ENTPD1: variants seen among roughly 807,000 people sequenced by gnomAD.
The protein encoded by ENTPD1 is ATP diphosphohydrolase.
A neutral mutation model predicts 57.0 loss-of-function variants in ENTPD1; 33 were observed. That is an observed-to-expected ratio of 0.58 (90% confidence interval 0.44 to 0.77). ENTPD1 has a LOEUF of 0.77. ENTPD1 is among the 30% of genes least tolerant of loss of function. The pLI, the probability that ENTPD1 is intolerant of heterozygous loss-of-function variation, is 0.00. For synonymous variants in ENTPD1, 202 were observed against 218.8 expected, an observed-to-expected ratio of 0.92 and a Z score of 0.68; for missense variants, 501 against 603.4, an observed-to-expected ratio of 0.83 and a Z score of 1.78.
At position 95,787,940 on chromosome 10, in the gene ENTPD1, T is replaced by C. The variant is rs1037646587; in HGVS notation, c.16+31685T>C. ...CCCACCCCCAAATTCCTTTCAGTTA[T>C]GAAAATTCTGAAACACTGTAACTTT... is the stretch of plus-strand genomic sequence containing the variant. On this transcript the variant is annotated intron_variant, in intron 1 of 9. Coordinates refer to ENST00000371205, the MANE Select transcript of ENTPD1 (RefSeq NM_001776.6). Among the ~76,000 whole-genome samples, 6 of 152,184 alleles carry C rather than the reference T, an allele frequency of 3.9e-5. 1 individual carries two copies. The highest frequency in any genetic ancestry group is 6.3e-3 in the Middle Eastern group (2 of 316).
chr10:95,765,895 G>A (rs1010414817), intron 1 of ENTPD1, among the ~76,000 whole-genome samples: 3 of 151,770 alleles, frequency 2.0e-5, no homozygotes, highest in African/African-American at 7.3e-5. Context: ...TGTAACTTTT[G>A]TATTTCTTTT....
At chr10:95,729,588 C>G (rs138001463) in intron 1 of ENTPD1, among the ~76,000 whole-genome samples, 20 of 152,282 alleles carry the variant, frequency 1.3e-4, no homozygotes, top group Non-Finnish European at 1.8e-4. Context: ...AGAAAAATTT[C>G]CTACTCCCAC....
At chr10:95,857,489 A>G (rs1273953257) in intron 7 of ENTPD1, among the ~76,000 whole-genome samples, 2 of 152,224 alleles carry the variant, frequency 1.3e-5, no homozygotes, top group African/African-American at 4.8e-5. Context: ...TTATAAAAAA[A>G]CTGTACAAAA....
intron 1 of ENTPD1, among the ~76,000 whole-genome samples, chr10:95,779,709 C>T (rs1461425749): frequency 2.6e-5 from 4 of 151,654 alleles, no homozygotes; most frequent in African/African-American, 9.7e-5. Context: ...TTTTTCAAGG[C>T]CATTTTCACT....
intron 1 of ENTPD1, among the ~76,000 whole-genome samples, chr10:95,760,731 C>T (rs1272458068): frequency 2.7e-5 from 4 of 149,478 alleles, no homozygotes; most frequent in Admixed American, 2.0e-4. Context: ...AGTGTTTAAT[C>T]GCACCAACTA....
chr10:95,733,210 G>C (rs753079533), intron 1 of ENTPD1, among the ~76,000 whole-genome samples: 1 of 152,142 alleles, frequency 6.6e-6, no homozygotes, highest in East Asian at 1.9e-4. Context: ...AAGGAATTCA[G>C]CAATATTTCT....
At chr10:95,842,516 A>T (rs777014936) in intron 4 of ENTPD1, 22 bp downstream of exon 4, 1 of 1,609,944 alleles carries the variant, frequency 6.2e-7, no homozygotes, top group African/African-American at 1.3e-5. Flanking sequence ...TGTAGGGACC[A>T]AGAGTATCTG....
chr10:95,697,597 T>C, the ENTPD1 span, among the ~76,000 whole-genome samples: 1 of 152,160 alleles, frequency 6.6e-6, no homozygotes, highest in Admixed American at 6.5e-5. Context: ...GAGGAACTGG[T>C]GGCTTTACAA....
chr10:95,710,265 TGTG>T (rs1229256112), upstream of ENTPD1, among the ~76,000 whole-genome samples: 1 of 151,512 alleles, frequency 6.6e-6, no homozygotes, highest in Admixed American at 6.6e-5. Context: ...ATTAGCCGGG[TGTG>T]GTGGTGCTGG....
intron 1 of ENTPD1, among the ~76,000 whole-genome samples, chr10:95,744,775 G>T (rs1406528073): frequency 6.6e-6 from 1 of 152,060 alleles, no homozygotes; most frequent in Non-Finnish European, 1.5e-5. Flanking sequence ...TGAAAACTTT[G>T]TATGGGTTAA....
intron 1 of ENTPD1, among the ~76,000 whole-genome samples, chr10:95,779,756 G>A (rs910369748): frequency 1.6e-4 from 24 of 151,930 alleles, no homozygotes; most frequent in African/African-American, 4.8e-4. Flanking sequence ...AGGTGCTAAG[G>A]TGATTTGAAA....
At chr10:95,734,825 T>A (rs577125213) in intron 1 of ENTPD1, among the ~76,000 whole-genome samples, 1 of 152,316 alleles carries the variant, frequency 6.6e-6, no homozygotes, top group South Asian at 2.1e-4. Context: ...CAAGGCATCA[T>A]GGCACACAGG....
intron 1 of ENTPD1, among the ~76,000 whole-genome samples, chr10:95,724,246 T>G (rs532159171): frequency 1.3e-5 from 2 of 152,054 alleles, no homozygotes; most frequent in East Asian, 3.9e-4. Flanking sequence ...CTAATCGTTT[T>G]TAACTGGCCA....
chr10:95,787,231 T>C (rs1271765345), intron 1 of ENTPD1, among the ~76,000 whole-genome samples: 1 of 152,172 alleles, frequency 6.6e-6, no homozygotes, highest in African/African-American at 2.4e-5. Context: ...GATACAACTT[T>C]TAGGGAAATT....
chr10:95,849,615 A>G (rs1425723972), intron 7 of ENTPD1, among the ~76,000 whole-genome samples: 11 of 152,246 alleles, frequency 7.2e-5, no homozygotes, highest in Admixed American at 5.9e-4. Flanking sequence ...AGAAAACAAT[A>G]GGTAATGCCA....
chr10:95,744,857 T>C (rs1018213317), intron 1 of ENTPD1, among the ~76,000 whole-genome samples: 4 of 152,230 alleles, frequency 2.6e-5, no homozygotes, highest in Admixed American at 1.3e-4. Flanking sequence ...ACCATTACAG[T>C]ATCATACTGA....
chr10:95,709,898 C>G (rs118128004), upstream of ENTPD1, among the ~76,000 whole-genome samples: 2 of 151,668 alleles, frequency 1.3e-5, no homozygotes, highest in African/African-American at 4.8e-5. Flanking sequence ...CGGCCCCCCC[C>G]ACCAGTAGCT....
the ENTPD1 span, among the ~76,000 whole-genome samples, chr10:95,694,824 C>G: frequency 6.6e-6 from 1 of 151,700 alleles, no homozygotes; most frequent in Admixed American, 6.6e-5. Context: ...GCTGCACTGT[C>G]CAGCATGGTA....
chr10:95,778,307 A>G (rs1174011745), intron 1 of ENTPD1, among the ~76,000 whole-genome samples: 1 of 152,224 alleles, frequency 6.6e-6, no homozygotes, highest in East Asian at 1.9e-4. Flanking sequence ...ACAGACAGGG[A>G]AAAGAAAACT....
Sources: allele counts gnomAD v4.1 joint callset (sites outside exome capture counted in the v4.1 genomes callset), GRCh38; gene constraint gnomAD v4.1.1; transcripts MANE v1.5; gene names NCBI Gene and HGNC (gene_info 2026-07-23, HGNC 2026-07-21).